Variants in AKR1D1 observed in about 807,000 individuals in gnomAD.
The protein encoded by AKR1D1 is delta(4)-3-ketosteroid 5-beta-reductase.
AKR1D1 carries 32 observed loss-of-function variants against 42.6 expected under a neutral mutation model. The observed-to-expected ratio is 0.75, with a 90% CI of 0.57 to 1.01. The LOEUF is 1.01. AKR1D1 is among the 50% of genes least tolerant of loss of function. AKR1D1 has a pLI of 0.00. For synonymous variants in AKR1D1, 123 were observed against 135.5 expected (o/e 0.91, Z 0.64); for missense variants, 364 against 402.2 (o/e 0.91, Z 0.81).
chr7:138,089,099 G>T (rs563001686), intron 2 of AKR1D1, among the ~76,000 whole-genome samples: 1 of 152,186 alleles, frequency 6.6e-6, no homozygotes, highest in Non-Finnish European at 1.5e-5. Context: ...CCTCTAATCC[G>T]CACTTCGGGA....
At chr7:138,100,047 C>T (rs925504836) in intron 4 of AKR1D1, among the ~76,000 whole-genome samples, 3 of 110,508 alleles carry the variant, frequency 2.7e-5, no homozygotes, top group Non-Finnish European at 5.0e-5. Context: ...CTTTGAACAG[C>T]CACTGAACTC....
At chr7:138,092,039 G>A (rs1794094917) in intron 3 of AKR1D1, among the ~76,000 whole-genome samples, 155 bp downstream of exon 3, 1 of 144,094 alleles carries the variant, frequency 6.9e-6, no homozygotes, top group Non-Finnish European at 1.6e-5. Context: ...TGCACCATGA[G>A]CCAATAGCTA....
At chr7:138,088,961 T>C (rs1388169541) in intron 2 of AKR1D1, among the ~76,000 whole-genome samples, 193 bp downstream of exon 2, 1 of 152,052 alleles carries the variant, frequency 6.6e-6, no homozygotes, top group East Asian at 1.9e-4. Flanking sequence ...TCATGCAAAA[T>C]AGGATTTTCA....
In AKR1D1 at chr7:138,076,498, C is replaced by T. The variant is rs1362644843; in HGVS notation, c.-21C>T. On this transcript the variant is annotated 5_prime_UTR_variant, in exon 1 of 9. Coordinates refer to ENST00000242375, the MANE Select transcript of AKR1D1 (RefSeq NM_005989.4). ...ACTCCCTGTGGTGTTCAGAATCACTCCTACAGTCAGGTTCTCCACAATGGA... is the reference window on the plus strand; with the variant it reads ...ACTCCCTGTGGTGTTCAGAATCACTTCTACAGTCAGGTTCTCCACAATGGA... The T allele has an allele frequency of 1.2e-6, 2 of 1,603,364 alleles. No individual in the cohort carries two copies. The highest frequency in any genetic ancestry group is 1.3e-5 in the African/African-American group (1 of 74,670).
chr7:138,105,453 G>T (rs596658), intron 5 of AKR1D1, 24 bp downstream of exon 5: 2 of 1,613,468 alleles, frequency 1.2e-6, no homozygotes, highest in South Asian at 2.2e-5. Flanking sequence ...GCTTCCACTA[G>T]GGTGTGGGGA....
In AKR1D1 at chr7:138,082,574, G is replaced by A. The variant is rs1334660410; in HGVS notation, c.93+5963G>A. Among the ~76,000 whole-genome samples, 9 of 151,768 alleles carry A rather than the reference G, an allele frequency of 5.9e-5. No individual in the cohort carries two copies. In the South Asian group the frequency reaches 1.9e-3, roughly 32 times the overall value. On this transcript the variant is annotated intron_variant, in intron 1 of 8. Coordinates refer to ENST00000242375, the MANE Select transcript of AKR1D1 (RefSeq NM_005989.4). ...TTTGTTTTTATTTTACTATTTTATT[G>A]TAAGACAGGGTCTTACTATATTGCC...
At chr7:138,091,322 T>G in intron 2 of AKR1D1, 1 of 227,834 alleles carries the variant, frequency 4.4e-6, no homozygotes, top group South Asian at 6.5e-5. Context: ...TTGTACCTCT[T>G]GAAGCTGCAC....
chr7:138,080,485 T>C (rs533540530), intron 1 of AKR1D1, among the ~76,000 whole-genome samples: 1 of 152,324 alleles, frequency 6.6e-6, no homozygotes, highest in Admixed American at 6.5e-5. Context: ...AAATATAAGA[T>C]GTCCAGGTAA....
chr7:138,100,088 C>CAAAAAA lies in AKR1D1; in HGVS notation c.456+2170_456+2175dup, dbSNP rs59361346. On this transcript the variant is annotated intron_variant, in intron 4 of 8. Transcript: ENST00000242375. ...TGGGCAATATAGCGAGATTTCATCT[C>CAAAAAA]AAAAAAAAAAAAAAAAAAAAAAAAA... is the stretch of plus-strand genomic sequence containing the variant. Among the ~76,000 whole-genome samples, 52 of 43,564 alleles carry CAAAAAA rather than the reference C, an allele frequency of 1.2e-3. 1 individual carries two copies. The highest frequency in any genetic ancestry group is 3.4e-3 in the South Asian group (2 of 594). 28.6% of individuals were successfully genotyped at this position (43,564 alleles called of 152,430 possible).
intron 1 of AKR1D1, among the ~76,000 whole-genome samples, chr7:138,086,585 C>T (rs1230493500): frequency 6.6e-6 from 1 of 152,134 alleles, no homozygotes; most frequent in Non-Finnish European, 1.5e-5. Flanking sequence ...GGAAAAAATA[C>T]AATATATGTC....
chr7:138,089,405 T>A (rs1381041219), intron 2 of AKR1D1, among the ~76,000 whole-genome samples: 1 of 151,646 alleles, frequency 6.6e-6, no homozygotes, highest in African/African-American at 2.4e-5. Context: ...GTATTCAGAT[T>A]TTGTTTAATA....
intron 1 of AKR1D1, among the ~76,000 whole-genome samples, chr7:138,079,040 C>T (rs1802999285): frequency 6.6e-6 from 1 of 152,186 alleles, no homozygotes; most frequent in Non-Finnish European, 1.5e-5. Context: ...CTATGTTGCC[C>T]AGGCTGGTCT....
At chr7:138,098,185 T>A in intron 4 of AKR1D1, 1 of 476,966 alleles carries the variant, frequency 2.1e-6, no homozygotes. Context: ...GGAAAAACAG[T>A]GTAAACAAAA....
At chr7:138,079,531 C>T (rs765471074) in intron 1 of AKR1D1, among the ~76,000 whole-genome samples, 4 of 152,314 alleles carry the variant, frequency 2.6e-5, no homozygotes, top group Non-Finnish European at 5.9e-5. Context: ...GCTTGTCCTC[C>T]AGTACAGCCA....
At chr7:138,114,938 A>G (rs1251883427) in intron 8 of AKR1D1, among the ~76,000 whole-genome samples, 1 of 152,190 alleles carries the variant, frequency 6.6e-6, no homozygotes, top group Admixed American at 6.5e-5. Context: ...GACTGGATTA[A>G]TATTGAATTT....
intron 4 of AKR1D1, among the ~76,000 whole-genome samples, chr7:138,100,175 C>CA (rs1410124078): frequency 8.8e-6 from 1 of 113,866 alleles, no homozygotes. Context: ...ATAAAGAAGG[C>CA]AAAATGGAAT....
At chr7:138,106,576 T>G (rs769255574) in intron 5 of AKR1D1, 32 bp from the exon 6 acceptor site, 1 of 1,566,160 alleles carries the variant, frequency 6.4e-7, no homozygotes, top group South Asian at 1.1e-5. Context: ...TGGCCTTGAT[T>G]TTGTGCTCTG....
chr7:138,111,460 A>G (rs1158345924), intron 7 of AKR1D1, among the ~76,000 whole-genome samples: 2 of 152,338 alleles, frequency 1.3e-5, no homozygotes. Context: ...AGATCCAGTA[A>G]TTCTCAGTCC....
At chr7:138,090,090 A>G (rs1794033240) in intron 2 of AKR1D1, among the ~76,000 whole-genome samples, 1 of 152,218 alleles carries the variant, frequency 6.6e-6, no homozygotes, top group African/African-American at 2.4e-5. Flanking sequence ...GTAAATTAAA[A>G]TATCATCAGC....
Sources: gnomAD v4.1 joint callset for allele counts (sites outside exome capture counted in the v4.1 genomes callset) on GRCh38, gnomAD v4.1.1 for gene constraint, MANE v1.5 for transcripts, NCBI Gene and HGNC (gene_info 2026-07-23, HGNC 2026-07-21) for gene names.